Variants in NME4 observed in about 807,000 individuals in gnomAD.
NME4 encodes NME/NM23 nucleoside diphosphate kinase 4.
Under a neutral mutation model 16.4 loss-of-function variants are expected in NME4, and 21 were observed. That is an observed-to-expected ratio of 1.28 (90% CI 0.91 to 1.84). NME4 has a LOEUF of 1.84. Among genes scored for constraint, NME4 ranks in the 40% most tolerant of loss-of-function variants. The pLI, the probability that NME4 is intolerant of heterozygous loss-of-function variation, is 0.00. For missense variants in NME4, 316 were observed against 261.3 expected (o/e 1.21, Z -1.44); for synonymous variants, 132 against 107.5 (o/e 1.23, Z -1.41).
chr16:398,212 C>G (rs1268840272), intron 1 of NME4: 1 of 1,463,516 alleles, frequency 6.8e-7, no homozygotes, highest in African/African-American at 1.4e-5. Flanking sequence ...TGGCAGCGTC[C>G]CCTCCAGAGG....
intron 1 of NME4, 142 bp from the exon 2 acceptor site, chr16:398,848 C>T (rs1410481936): frequency 1.8e-6 from 2 of 1,132,640 alleles, no homozygotes; most frequent in Non-Finnish European, 2.5e-6. Flanking sequence ...GCTGTGGGCA[C>T]CATCCCTGTC....
At chr16:397,716 G>GC (rs1567333802) in intron 1 of NME4, 4 of 360,968 alleles carry the variant, frequency 1.1e-5, no homozygotes, top group East Asian at 1.2e-4. Context: ...GTGTGGGGGG[G>GC]TGAGGGAGTC....
intron 4 of NME4, 97 bp downstream of exon 4, chr16:399,836 C>A: frequency 9.6e-7 from 1 of 1,044,896 alleles, no homozygotes; most frequent in Non-Finnish European, 1.5e-6. Flanking sequence ...TCTTGCTGTG[C>A]TAGGATGAAG....
At position 399,659 on chromosome 16, in the gene NME4, G is replaced by A. The variant is rs14293; in HGVS notation, c.360G>A (p.Ser120=). ...VWEGYNVVRA[S]RAMIGHTDSA... is the part of the protein sequence containing the mutation. The stretch of plus-strand genomic sequence containing the variant: ...AAGGGTACAATGTCGTCCGCGCCTC[G>A]AGGGCCATGATTGGACACACCGACT... Residue 120 remains serine (S), a synonymous_variant, in exon 4 of 5, where the codon TCG becomes TCA. Coordinates refer to ENST00000219479, the MANE Select transcript of NME4 (RefSeq NM_005009.3). The A allele has an allele frequency of 0.41, 664,523 of 1,612,600 alleles. 138,648 individuals are homozygous for A. The highest frequency in any genetic ancestry group is 0.57 in the African/African-American group (42,360 of 74,916).
chr16:400,306 A>C lies in NME4; in HGVS notation c.528A>C (p.Ala176=). Residue 176 remains alanine (A), a synonymous_variant, in exon 5 of 5, where the codon GCA becomes GCC. Transcript: ENST00000219479. ...AGAGCAGTGAGCTGGTGAGCTGGGCAGACGGGGGCCAGCACAGCAGCATCC... is the reference window on the plus strand; with the variant it reads ...AGAGCAGTGAGCTGGTGAGCTGGGCCGACGGGGGCCAGCACAGCAGCATCC... ...WFQSSELVSW[A]DGGQHSSIHP... The C allele has an allele frequency of 1.2e-6, 2 of 1,607,072 alleles. No homozygotes were observed. The highest frequency in any genetic ancestry group is 8.5e-7 in the Non-Finnish European group (1 of 1,177,858).
chr16:399,086 G>T lies in NME4; in HGVS notation c.188G>T (p.Arg63Met). The T allele has an allele frequency of 6.2e-7, 1 of 1,600,334 alleles. No homozygotes were observed. The highest frequency in any genetic ancestry group is 8.5e-7 in the Non-Finnish European group (1 of 1,177,242). ...GGGGACGTGATCCAGCGCTTTGAGA[G>T]GCGGGGCTTCACGCTGGTGGGGATG... ...LVGDVIQRFE[R>M]RGFTLVGMKM... Residue 63 changes from arginine to methionine, a missense_variant, in exon 2 of 5, where the codon AGG becomes ATG. Arg to Met is a moderately conservative substitution (Grantham distance 91, BLOSUM62 -1). Coordinates refer to ENST00000219479, the MANE Select transcript of NME4 (RefSeq NM_005009.3).
chr16:399,989 T>G, intron 4 of NME4: 1 of 701,202 alleles, frequency 1.4e-6, no homozygotes, highest in Non-Finnish European at 2.4e-6. Flanking sequence ...ACGGGGCAAC[T>G]TGGGGGGAAA....
rs142185646 is a variant in NME4, at chr16:398,005, C to G, written c.91+692C>G. 5.2e-6 allele frequency: 8 copies of G among 1,540,628 alleles called. No homozygotes were observed. In the East Asian group the frequency reaches 1.7e-4, roughly 33 times the overall value. On this transcript the variant is annotated intron_variant, in intron 1 of 4. Coordinates refer to ENST00000219479, the MANE Select transcript of NME4 (RefSeq NM_005009.3). ...TGGGGGAACAAACCAACCAGGGGGTCTTCCTCCCGTGGGCTTCAGCCGCCT... is the reference window on the plus strand; with the variant it reads ...TGGGGGAACAAACCAACCAGGGGGTGTTCCTCCCGTGGGCTTCAGCCGCCT...
At chr16:398,923 G>T in intron 1 of NME4, 67 bp from the exon 2 acceptor site, 1 of 1,593,136 alleles carries the variant, frequency 6.3e-7, no homozygotes. Flanking sequence ...GCTCTGGCTG[G>T]GAAACCCGGG....
chr16:398,087 C>G (rs1323957510), intron 1 of NME4: 2 of 1,530,452 alleles, frequency 1.3e-6, no homozygotes, highest in African/African-American at 2.8e-5. Context: ...TGTCCAGATT[C>G]TGTGGGACAT....
chr16:399,670 T>A lies in NME4; in HGVS notation c.371T>A (p.Ile124Asn). Reference protein sequence around the residue: ...YNVVRASRAMIGHTDSAEAAP... With the variant: ...YNVVRASRAMNGHTDSAEAAP... Reference sequence around the variant, plus strand: ...GTCGTCCGCGCCTCGAGGGCCATGATTGGACACACCGACTCGGCTGAGGCT... The same window carrying A: ...GTCGTCCGCGCCTCGAGGGCCATGAATGGACACACCGACTCGGCTGAGGCT... The change falls in exon 4 of 5, where the codon ATT (isoleucine) becomes AAT (asparagine). Residue 124 changes from isoleucine (I) to asparagine (N), a missense_variant. Coordinates refer to ENST00000219479, the MANE Select transcript of NME4 (RefSeq NM_005009.3). 1.2e-6 allele frequency: 2 copies of A among 1,613,192 alleles called. No homozygotes were observed. The highest frequency in any genetic ancestry group is 1.7e-6 in the Non-Finnish European group (2 of 1,179,936).
Position 400,471 on chromosome 16 carries a change from C to G in NME4, c.*129C>G, listed in dbSNP as rs2054639573. On this transcript the variant is annotated 3_prime_UTR_variant, in exon 5 of 5. Coordinates refer to ENST00000219479, the MANE Select transcript of NME4 (RefSeq NM_005009.3). Reference sequence around the variant, plus strand: ...TTCCCTGTTCACCTCTGCCCCACCCCAGCCCAGAGGAGTTTGAGCCACCAA... The same window carrying G: ...TTCCCTGTTCACCTCTGCCCCACCCGAGCCCAGAGGAGTTTGAGCCACCAA... 1 of 1,238,362 alleles carries G rather than the reference C, an allele frequency of 8.1e-7. No homozygotes were observed. The allele number at this position is 1,238,362 out of a possible 1,614,324, so 76.7% of individuals were successfully genotyped here.
rs2141795740 is a variant in NME4 at position 400,525 on chromosome 16, G to A, written c.*183G>A. On this transcript the variant is annotated 3_prime_UTR_variant, in exon 5 of 5. Transcript: ENST00000219479. ...CAGTGCCTTTCTGTACCCCAAGCCA[G>A]CACAAGATTGGACCAATCCTTTTTG... 1 of 646,686 alleles carries A rather than the reference G, an allele frequency of 1.5e-6. No homozygotes were observed. Among genetic ancestry groups the A allele is most frequent in the Non-Finnish European group, 2.5e-6 (1 of 402,814 alleles). 40.1% of individuals were successfully genotyped at this position (646,686 alleles called of 1,614,324 possible). A position where few individuals can be genotyped will look rare whatever the true frequency, so the allele number is the denominator to read the frequency against.
intron 4 of NME4, 29 bp from the exon 5 acceptor site, chr16:400,190 A>G (rs1205427561): frequency 1.2e-6 from 2 of 1,611,508 alleles, no homozygotes; most frequent in Non-Finnish European, 1.7e-6. Flanking sequence ...ATGAAGCCTG[A>G]GCCTCACATT....
intron 4 of NME4, 125 bp from the exon 5 acceptor site, chr16:400,094 C>A: frequency 7.1e-7 from 1 of 1,405,928 alleles, no homozygotes; most frequent in Non-Finnish European, 1.0e-6. Flanking sequence ...ACTGTTACTC[C>A]TTCCCTGTCT....
Position 399,461 on chromosome 16 carries a change from C to G in NME4, c.308C>G (p.Ser103Cys). 1.9e-6 allele frequency: 3 copies of G among 1,612,874 alleles called. No homozygotes were observed. Among genetic ancestry groups the G allele is most frequent in the Non-Finnish European group, 2.5e-6 (3 of 1,179,910 alleles). The part of the protein sequence containing the change: ...FYPALIRYMS[S>C]GPVVAMVWEG... ...CCTGCCCTCATCCGCTACATGAGCT[C>G]TGGGCCTGTGGTGGCCATGGTACGG... The change falls in exon 3 of 5, where the codon TCT (serine) becomes TGT (cysteine). Residue 103 changes from serine (S) to cysteine (C), a missense_variant. Physicochemically the swap from Ser to Cys is moderately radical, Grantham distance 112. Transcript: ENST00000219479.
At chr16:398,782 C>T (rs2054600094) in intron 1 of NME4, 2 of 660,642 alleles carry the variant, frequency 3.0e-6, no homozygotes, top group Non-Finnish European at 5.1e-6. Context: ...GCTAGAAGCC[C>T]TGGGGACACA....
chr16:398,050 C>A, intron 1 of NME4: 1 of 1,529,974 alleles, frequency 6.5e-7, no homozygotes, highest in Non-Finnish European at 8.8e-7. Context: ...AACTTTTCCT[C>A]CTGGCCTGGC....
chr16:398,255 T>C, intron 1 of NME4: 1 of 1,404,144 alleles, frequency 7.1e-7, no homozygotes, highest in Non-Finnish European at 9.5e-7. Flanking sequence ...GCGCTGACCC[T>C]GGGTCTGGAA....
Sources: gnomAD v4.1 joint callset for allele counts on GRCh38, gnomAD v4.1.1 for gene constraint, MANE v1.5 for transcripts, NCBI Gene and HGNC (gene_info 2026-07-23, HGNC 2026-07-21) for gene names.